CHN1: variants seen among roughly 807,000 people sequenced by gnomAD.
CHN1 encodes the protein N-chimaerin.
Under a neutral mutation model 59.5 loss-of-function variants are expected in CHN1, and 37 were observed. That is an observed-to-expected ratio of 0.62 (90% CI 0.48 to 0.82). The LOEUF is 0.82. CHN1 is among the 40% of genes least tolerant of loss of function. CHN1 has a pLI of 0.00. For synonymous variants in CHN1, 206 were observed against 200.4 expected (o/e 1.03, Z -0.24); for missense variants, 469 against 571.0 (o/e 0.82, Z 1.82).
chr2:174,871,468 G>T (rs1192137950), intron 6 of CHN1, among the ~76,000 whole-genome samples: 1 of 152,074 alleles, frequency 6.6e-6, no homozygotes, highest in Non-Finnish European at 1.5e-5. Flanking sequence ...CATTTATGTA[G>T]TCAGTCAACA....
intron 5 of CHN1, among the ~76,000 whole-genome samples, chr2:174,903,261 G>C (rs1374330512): frequency 6.6e-6 from 1 of 152,058 alleles, no homozygotes; most frequent in Admixed American, 6.6e-5. Flanking sequence ...CTACCAATTA[G>C]CTAAAACTAA....
chr2:174,843,438 C>T (rs189653240), intron 7 of CHN1, among the ~76,000 whole-genome samples: 125 of 152,142 alleles, frequency 8.2e-4, no homozygotes, highest in African/African-American at 3.0e-3. Flanking sequence ...AGGGTTTCCC[C>T]ATATTGGCTA....
At chr2:174,852,790 A>C (rs945492470) in intron 6 of CHN1, among the ~76,000 whole-genome samples, 2 of 152,060 alleles carry the variant, frequency 1.3e-5, no homozygotes, top group African/African-American at 4.8e-5. Context: ...ACTTAAAACA[A>C]TCTGATCTTC....
chr2:175,004,964 C>CT lies in CHN1; in HGVS notation c.-53dup. Reference sequence around the variant, plus strand: ...AGTCCAGGCGCTCCTCCCAGGCGGGCTAGGGATCACCTCATCAGCCCGCCG... The same window carrying CT: ...AGTCCAGGCGCTCCTCCCAGGCGGGCTTAGGGATCACCTCATCAGCCCGCCG... On this transcript the variant is annotated 5_prime_UTR_variant, in exon 1 of 13. Coordinates refer to ENST00000409900, the MANE Select transcript of CHN1 (RefSeq NM_001822.7). The CT allele has an allele frequency of 6.6e-7, 1 of 1,516,486 alleles. No individual in the cohort carries two copies. The highest frequency in any genetic ancestry group is 8.8e-7 in the Non-Finnish European group (1 of 1,135,192). 93.9% of individuals were successfully genotyped at this position (1,516,486 alleles called of 1,614,324 possible).
chr2:174,799,890 T>C lies in CHN1; in HGVS notation c.*226A>G, dbSNP rs1162306486. ...CTAATCATGCAATAGCTTGAGTTTC[T>C]CTGAACGTGATAAACACCCAGGATT... On this transcript the variant is annotated 3_prime_UTR_variant, in exon 13 of 13. Transcript: ENST00000409900. 1 of 633,702 alleles carries C rather than the reference T, an allele frequency of 1.6e-6. No homozygotes were observed. The allele number at this position is 633,702 out of a possible 1,614,324, so 39.3% of individuals were successfully genotyped here.
chr2:174,890,933 T>C (rs1446702978), intron 5 of CHN1, among the ~76,000 whole-genome samples: 2 of 150,706 alleles, frequency 1.3e-5, no homozygotes, highest in African/African-American at 4.9e-5. Flanking sequence ...GTAGAAAAAC[T>C]AACACGGTAG....
intron 5 of CHN1, among the ~76,000 whole-genome samples, chr2:174,901,357 T>C (rs1688384675): frequency 6.6e-6 from 1 of 152,196 alleles, no homozygotes. Context: ...TCACTCTCTT[T>C]CCTTAGATCA....
At chr2:174,812,153 A>T in intron 9 of CHN1, 156 bp downstream of exon 9, 1 of 491,982 alleles carries the variant, frequency 2.0e-6, no homozygotes, top group Non-Finnish European at 3.4e-6. Flanking sequence ...TTGTTAAATT[A>T]ATTCATTTCA....
intron 1 of CHN1, among the ~76,000 whole-genome samples, chr2:174,994,446 TTGAGTA>T (rs1240552723): frequency 3.3e-5 from 5 of 152,342 alleles, no homozygotes; most frequent in Admixed American, 6.5e-5. Context: ...CCAACATTTA[TTGAGTA>T]GCTGGTATGC....
rs560425580 is a variant in CHN1 at position 174,996,735 on chromosome 2, C to T, written c.19+8159G>A. On this transcript the variant is annotated intron_variant, in intron 1 of 12. Coordinates refer to ENST00000409900, the MANE Select transcript of CHN1 (RefSeq NM_001822.7). ...GGAGATACACCCCAGTACTCTCTAT[C>T]CCCCAGCTGCCCTCTCTCCTCTCTC... 2.0e-3 allele frequency among the ~76,000 whole-genome samples: 297 copies of T among 152,248 alleles called. 1 individual carries two copies. Among genetic ancestry groups the T allele is most frequent in the Middle Eastern group, 6.8e-3 (2 of 294 alleles).
At chr2:174,876,214 C>A (rs1418495402) in intron 6 of CHN1, among the ~76,000 whole-genome samples, 7 of 152,170 alleles carry the variant, frequency 4.6e-5, no homozygotes, top group Non-Finnish European at 1.0e-4. Context: ...AAATGACTTG[C>A]CTAATGTTAA....
intron 1 of CHN1, among the ~76,000 whole-genome samples, chr2:174,998,002 A>C (rs1691766869): frequency 6.7e-6 from 1 of 149,686 alleles, no homozygotes; most frequent in Admixed American, 6.7e-5. Context: ...CGCAAAAAAA[A>C]AAAAAAGATA....
At chr2:175,004,570 G>A (rs1239633467) in intron 1 of CHN1, among the ~76,000 whole-genome samples, 2 of 152,204 alleles carry the variant, frequency 1.3e-5, no homozygotes, top group Non-Finnish European at 2.9e-5. Flanking sequence ...GGAAAGGCAG[G>A]TTTGAAAACA....
chr2:174,962,683 G>GGGGGC, intron 1 of CHN1, among the ~76,000 whole-genome samples: 1 of 74,912 alleles, frequency 1.3e-5, no homozygotes, highest in Non-Finnish European at 2.8e-5. Context: ...GGGGGGGGGG[G>GGGGGC]CAGATCACCT....
At chr2:174,847,436 T>C in intron 6 of CHN1, 1 of 1,197,454 alleles carries the variant, frequency 8.4e-7, no homozygotes. Context: ...ACTCAGCATC[T>C]CTCTTTATCA....
rs1687373146 is a variant in CHN1 at position 174,870,447 on chromosome 2, TG to T, written c.549+7392del. Among the ~76,000 whole-genome samples, 7 of 152,278 alleles carry T rather than the reference TG, an allele frequency of 4.6e-5. No individual in the cohort carries two copies. The South Asian group carries it at 1.5e-3, about 32-fold the overall frequency. On this transcript the variant is annotated intron_variant, in intron 6 of 12. Coordinates refer to ENST00000409900, the MANE Select transcript of CHN1 (RefSeq NM_001822.7). ...GGCATGGCTATTGTTTTCCAATCTC[TG>T]AGAGGTGCAAATACTAGGAGAAAGG...
intron 1 of CHN1, among the ~76,000 whole-genome samples, chr2:174,966,010 A>G (rs1375473481): frequency 6.6e-6 from 1 of 152,230 alleles, no homozygotes; most frequent in East Asian, 1.9e-4. Context: ...AACATACACG[A>G]TTCTAAACTA....
intron 1 of CHN1, among the ~76,000 whole-genome samples, chr2:174,999,204 G>A (rs1691807094): frequency 6.6e-6 from 1 of 152,054 alleles, no homozygotes; most frequent in Admixed American, 6.5e-5. Flanking sequence ...TATTTTCTAT[G>A]TAAGAATAAC....
chr2:174,920,480 G>A (rs552730821), intron 3 of CHN1, among the ~76,000 whole-genome samples: 7 of 152,176 alleles, frequency 4.6e-5, no homozygotes, highest in African/African-American at 7.2e-5. Context: ...TGGCAAAAAG[G>A]GAAAAAGCCC....
Sources: allele counts gnomAD v4.1 joint callset (sites outside exome capture counted in the v4.1 genomes callset), GRCh38; gene constraint gnomAD v4.1.1; transcripts MANE v1.5; gene names NCBI Gene and HGNC (gene_info 2026-07-23, HGNC 2026-07-21).